COG5: variants seen among roughly 807,000 people sequenced by gnomAD.
COG5 encodes the protein component of oligomeric golgi complex 5, also known as conserved oligomeric Golgi complex subunit 5.
In COG5, 86 loss-of-function variants were observed where a neutral mutation model predicts 110.4. The ratio of observed to expected loss-of-function variants is 0.78; its 90% CI spans 0.65 to 0.93. The LOEUF (loss-of-function observed/expected upper bound fraction) is 0.93, where lower values mean the gene tolerates loss of function less well. Ranked by LOEUF, COG5 falls within the 40% of genes least tolerant of loss-of-function variation. The pLI is 0.00. For missense variants in COG5, 1,077 were observed against 987.0 expected, an observed-to-expected ratio of 1.09 and a Z score of -1.22; for synonymous variants, 360 against 334.6, an observed-to-expected ratio of 1.08 and a Z score of -0.83.
intron 1 of COG5, among the ~76,000 whole-genome samples, chr7:107,563,122 C>A (rs976239034): frequency 6.6e-6 from 1 of 152,290 alleles, no homozygotes. Context: ...ATTGACACAA[C>A]TGAATATGCT....
rs67581814 is a variant in COG5 at position 107,395,541 on chromosome 7, C to CTTTTTTTTT, written c.669+16952_669+16960dup. On this transcript the variant is annotated intron_variant, in intron 7 of 21. Transcript: ENST00000297135. The stretch of plus-strand genomic sequence containing the variant: ...AAATCGTCTTTACCATGAAGCAGAT[C>CTTTTTTTTT]TTTTTTTTTTTTTTTTTTTTTTTTT... Among the ~76,000 whole-genome samples the CTTTTTTTTT allele has an allele frequency of 1.6e-4, 8 of 50,038 alleles. 1 individual carries two copies. Among genetic ancestry groups the CTTTTTTTTT allele is most frequent in the African/African-American group, 7.7e-4 (8 of 10,374 alleles). The allele number at this position is 50,038 out of a possible 152,430, so 32.8% of individuals were successfully genotyped here. A position where few individuals can be genotyped will look rare whatever the true frequency, so the allele number is the denominator to read the frequency against.
chr7:107,255,963 T>C (rs1299422687), intron 16 of COG5, among the ~76,000 whole-genome samples: 1 of 152,104 alleles, frequency 6.6e-6, no homozygotes, highest in African/African-American at 2.4e-5. Flanking sequence ...AGCAAGATAT[T>C]ATTTCTAAGA....
In COG5 at chr7:107,448,344, C is replaced by A. The variant is rs568570284; in HGVS notation, c.539-35712G>T. On this transcript the variant is annotated intron_variant, in intron 6 of 21. Transcript: ENST00000297135. ...GAAGCTGTCTTGCGGAGGTCACCAA[C>A]CATGTTTTTTCTTTCTTTCTTTTTT... is the stretch of plus-strand genomic sequence containing the variant. Among the ~76,000 whole-genome samples, 3 of 152,220 alleles carry A rather than the reference C, an allele frequency of 2.0e-5. No homozygotes were observed. In the East Asian group the frequency reaches 5.8e-4, roughly 29 times the overall value.
At chr7:107,460,114 TAC>T (rs1795898752) in intron 6 of COG5, among the ~76,000 whole-genome samples, 2 of 151,976 alleles carry the variant, frequency 1.3e-5, no homozygotes, top group South Asian at 4.2e-4. Flanking sequence ...ACTAGAAAAA[TAC>T]ACTTGGCCGA....
At chr7:107,397,179 G>A (rs755746797) in intron 7 of COG5, among the ~76,000 whole-genome samples, 4 of 152,156 alleles carry the variant, frequency 2.6e-5, no homozygotes, top group Non-Finnish European at 4.4e-5. Context: ...TGAGACATAA[G>A]GACATGTTGG....
intron 20 of COG5, 106 bp from the exon 21 acceptor site, chr7:107,210,711 C>T: frequency 8.1e-7 from 1 of 1,229,392 alleles, no homozygotes; most frequent in Non-Finnish European, 1.2e-6. Context: ...GGTGAAACTG[C>T]CCCAAAACCT....
chr7:107,211,008 G>C, intron 20 of COG5, 91 bp downstream of exon 20: 1 of 1,429,718 alleles, frequency 7.0e-7, no homozygotes, highest in East Asian at 2.3e-5. Context: ...AGCAGCAGAG[G>C]GCCAGGAATC....
intron 7 of COG5, among the ~76,000 whole-genome samples, chr7:107,386,667 G>C (rs1374066871): frequency 1.3e-5 from 2 of 152,070 alleles, no homozygotes; most frequent in African/African-American, 4.8e-5. Flanking sequence ...GTGGAACCTC[G>C]GTTTCACAGG....
At chr7:107,464,983 G>C (rs189937440) in intron 6 of COG5, among the ~76,000 whole-genome samples, 36 of 152,274 alleles carry the variant, frequency 2.4e-4, no homozygotes, top group Admixed American at 3.3e-4. Context: ...ACCCCTTCCT[G>C]AGAAATGGAT....
At chr7:107,255,340 A>G (rs948381782) in intron 16 of COG5, among the ~76,000 whole-genome samples, 2 of 152,154 alleles carry the variant, frequency 1.3e-5, no homozygotes, top group African/African-American at 2.4e-5. Flanking sequence ...ACATACAAGT[A>G]TACTTCTAAT....
At chr7:107,513,446 G>C in intron 6 of COG5, among the ~76,000 whole-genome samples, 1 of 152,152 alleles carries the variant, frequency 6.6e-6, no homozygotes, top group Admixed American at 6.5e-5. Flanking sequence ...TTACACTGTT[G>C]GTGGGACTGT....
chr7:107,288,907 GATATATATATATATATATATATATATAT>G (rs60313728), intron 12 of COG5, among the ~76,000 whole-genome samples: 2,137 of 94,176 alleles, frequency 0.023, 82 homozygotes, highest in African/African-American at 0.059. Context: ...TTCTAACAGA[GATATATATATATATATATATATATATAT>G]ATATATATAT....
intron 10 of COG5, among the ~76,000 whole-genome samples, chr7:107,354,121 C>T (rs1015422829): frequency 6.6e-6 from 1 of 152,122 alleles, no homozygotes; most frequent in Non-Finnish European, 1.5e-5. Context: ...GTTATAGCAA[C>T]AAAATTACCA....
chr7:107,420,339 A>C (rs1315206850), intron 6 of COG5, among the ~76,000 whole-genome samples: 2 of 152,260 alleles, frequency 1.3e-5, no homozygotes, highest in Non-Finnish European at 2.9e-5. Context: ...GTAAGTTATT[A>C]GTTATTATTT....
chr7:107,271,011 ACCTGGC>A (rs1804227832), intron 14 of COG5, among the ~76,000 whole-genome samples: 1 of 148,300 alleles, frequency 6.7e-6, no homozygotes, highest in South Asian at 2.1e-4. Flanking sequence ...GAGACACCAC[ACCTGGC>A]CTTTACTATA....
chr7:107,424,685 G>A (rs1167936666), intron 6 of COG5, among the ~76,000 whole-genome samples: 5 of 152,064 alleles, frequency 3.3e-5, no homozygotes, highest in Non-Finnish European at 7.4e-5. Context: ...ACTGTATAAA[G>A]ACGGAAACAG....
chr7:107,439,726 T>A (rs571291999), intron 6 of COG5, among the ~76,000 whole-genome samples: 1 of 152,230 alleles, frequency 6.6e-6, no homozygotes, highest in Non-Finnish European at 1.5e-5. Flanking sequence ...TATCATGTCA[T>A]CTGCAAATAA....
intron 8 of COG5, among the ~76,000 whole-genome samples, chr7:107,366,718 C>T (rs1218970881): frequency 6.6e-6 from 1 of 152,064 alleles, no homozygotes; most frequent in African/African-American, 2.4e-5. Flanking sequence ...AGATGGGACC[C>T]TCCATTTTCC....
At chr7:107,487,024 A>G (rs1278656209) in intron 6 of COG5, among the ~76,000 whole-genome samples, 1 of 152,214 alleles carries the variant, frequency 6.6e-6, no homozygotes, top group Non-Finnish European at 1.5e-5. Context: ...ATGGAGGTGA[A>G]TATTTTTGTA....
Sources: gnomAD v4.1 joint callset for allele counts (sites outside exome capture counted in the v4.1 genomes callset) on GRCh38, gnomAD v4.1.1 for gene constraint, MANE v1.5 for transcripts, NCBI Gene and HGNC (gene_info 2026-07-23, HGNC 2026-07-21) for gene names.